Variants in HMOX2 observed in about 807,000 individuals in gnomAD.
The protein encoded by HMOX2 is heme oxygenase (decycling) 2.
HMOX2 carries 30 observed loss-of-function variants against 33.7 expected under a neutral mutation model. The ratio of observed to expected loss-of-function variants is 0.89; its 90% CI spans 0.67 to 1.21. The LOEUF (loss-of-function observed/expected upper bound fraction) is 1.21, where lower values mean the gene tolerates loss of function less well. HMOX2 is among the 50% of genes most tolerant of loss of function. The pLI is 0.00. For missense variants in HMOX2, 403 were observed against 399.1 expected, an observed-to-expected ratio of 1.01 and a Z score of -0.08; for synonymous variants, 155 against 155.0, an observed-to-expected ratio of 1.00 and a Z score of 0.00.
At chr16:4,488,821 A>G (rs947167671) in intron 1 of HMOX2, 1 of 125,612 alleles carries the variant, frequency 8.0e-6, no homozygotes, top group Non-Finnish European at 1.6e-5. Context: ...GTGCCTGTAC[A>G]TTTCTTTTTT....
chr16:4,491,752 A>G (rs1370051451), intron 1 of HMOX2, among the ~76,000 whole-genome samples: 1 of 151,682 alleles, frequency 6.6e-6, no homozygotes, highest in Admixed American at 6.6e-5. Flanking sequence ...TCTGTCACTC[A>G]GGCTGGAGTG....
intron 1 of HMOX2, among the ~76,000 whole-genome samples, chr16:4,486,862 A>G (rs767130293): frequency 2.0e-5 from 3 of 152,218 alleles, no homozygotes; most frequent in African/African-American, 4.8e-5. Flanking sequence ...TGAGGAGCTG[A>G]GCTCAGTCCC....
intron 1 of HMOX2, among the ~76,000 whole-genome samples, chr16:4,491,056 C>G (rs557191154): frequency 1.3e-5 from 2 of 152,212 alleles, no homozygotes; most frequent in Admixed American, 6.5e-5. Context: ...GCAAACATTT[C>G]CACGTCTCCA....
chr16:4,475,943 A>G (rs934851668), upstream of HMOX2: 1 of 152,360 alleles, frequency 6.6e-6, no homozygotes, highest in African/African-American at 2.4e-5. Context: ...GTCTCAAAAA[A>G]AGAAAAATCA....
At chr16:4,493,746 G>A (rs751052778) in intron 1 of HMOX2, among the ~76,000 whole-genome samples, 1 of 152,158 alleles carries the variant, frequency 6.6e-6, no homozygotes, top group African/African-American at 2.4e-5. Flanking sequence ...CCAGCTCCTC[G>A]TGTGTCTTTT....
chr16:4,500,535 A>G (rs1480647091), intron 1 of HMOX2, among the ~76,000 whole-genome samples: 1 of 152,182 alleles, frequency 6.6e-6, no homozygotes, highest in African/African-American at 2.4e-5. Context: ...GGCTGAGCTC[A>G]GCAACCTGCT....
chr16:4,505,988 T>C (rs1174727129), intron 2 of HMOX2, among the ~76,000 whole-genome samples: 2 of 152,246 alleles, frequency 1.3e-5, no homozygotes, highest in East Asian at 3.8e-4. Context: ...CTTTCCTTAC[T>C]CTGTATAGGG....
intron 1 of HMOX2, among the ~76,000 whole-genome samples, chr16:4,479,105 C>T (rs1213076847): frequency 5.3e-5 from 8 of 152,012 alleles, no homozygotes; most frequent in African/African-American, 1.9e-4. Flanking sequence ...GAGCCAAGAT[C>T]ATGCCATTGC....
chr16:4,502,642 C>T (rs927473030), intron 1 of HMOX2: 1 of 152,220 alleles, frequency 6.6e-6, no homozygotes, highest in Middle Eastern at 3.2e-3. Flanking sequence ...TGCCTGAGAA[C>T]TGAGCAGCCA....
chr16:4,488,211 C>T (rs1260017043), intron 1 of HMOX2, among the ~76,000 whole-genome samples: 5 of 151,728 alleles, frequency 3.3e-5, no homozygotes, highest in Non-Finnish European at 5.9e-5. Context: ...TTGCCTTTTC[C>T]ATTATGTCTG....
chr16:4,488,127 C>CAA lies in HMOX2; in HGVS notation c.-42+11659_-42+11660dup, dbSNP rs60429116. ...CTGCAACGAGAGGGAAACTCCATCT[C>CAA]AAAAAAAAAAAAAAAAAAAACAGGC... is the stretch of plus-strand genomic sequence containing the variant. On this transcript the variant is annotated intron_variant, in intron 1 of 5. Transcript: ENST00000570646. Among the ~76,000 whole-genome samples, 80 of 69,168 alleles carry CAA rather than the reference C, an allele frequency of 1.2e-3. 1 individual carries two copies. The highest frequency in any genetic ancestry group is 2.0e-3 in the African/African-American group (52 of 26,076). The allele number at this position is 69,168 out of a possible 152,430, so 45.4% of individuals were successfully genotyped here.
intron 1 of HMOX2, among the ~76,000 whole-genome samples, chr16:4,492,453 C>T (rs1596459167): frequency 1.3e-5 from 2 of 152,212 alleles, no homozygotes; most frequent in South Asian, 4.2e-4. Context: ...GGTGTGGTGG[C>T]TCACAGCTAT....
At chr16:4,481,173 C>T (rs1567378890) in intron 1 of HMOX2, among the ~76,000 whole-genome samples, 1 of 151,122 alleles carries the variant, frequency 6.6e-6, no homozygotes, top group South Asian at 2.1e-4. Flanking sequence ...GGTGAAACCC[C>T]GTCTCTACTA....
upstream of HMOX2, chr16:4,476,220 G>A (rs553697889): frequency 6.6e-6 from 1 of 152,434 alleles, no homozygotes; most frequent in South Asian, 2.1e-4. Context: ...TGTTCCTGCC[G>A]AAGCACGCCT....
chr16:4,498,200 G>A (rs1311885362), intron 1 of HMOX2, among the ~76,000 whole-genome samples: 1 of 151,494 alleles, frequency 6.6e-6, no homozygotes, highest in Non-Finnish European at 1.5e-5. Flanking sequence ...AAGTATTTGG[G>A]ATTAGAGTCA....
intron 1 of HMOX2, among the ~76,000 whole-genome samples, chr16:4,504,452 G>A (rs534780929): frequency 1.2e-3 from 156 of 131,064 alleles, no homozygotes; most frequent in African/African-American, 3.7e-3. Flanking sequence ...CTTCTGCTTC[G>A]TAGGTTCAAG....
At chr16:4,495,389 C>G (rs1435263551) in intron 1 of HMOX2, 12 of 152,246 alleles carry the variant, frequency 7.9e-5, no homozygotes, top group Admixed American at 7.9e-4. Context: ...ACCATAGGCA[C>G]AGTCTATGTA....
intron 1 of HMOX2, chr16:4,483,885 T>TAC (rs1168702380): frequency 6.6e-6 from 1 of 152,196 alleles, no homozygotes; most frequent in Non-Finnish European, 1.5e-5. Flanking sequence ...GTGCTGGGAT[T>TAC]ACAGGCATGA....
intron 4 of HMOX2, 136 bp from the exon 5 acceptor site, chr16:4,509,276 G>A: frequency 1.8e-6 from 2 of 1,112,624 alleles, no homozygotes; most frequent in Admixed American, 4.6e-5. Flanking sequence ...GGAGTTTGAG[G>A]CTGCAGTGAG....
Sources: gnomAD v4.1 joint callset for allele counts (sites outside exome capture counted in the v4.1 genomes callset) on GRCh38, gnomAD v4.1.1 for gene constraint, MANE v1.5 for transcripts, NCBI Gene and HGNC (gene_info 2026-07-23, HGNC 2026-07-21) for gene names.